Variants in CHST6 observed in about 807,000 individuals in gnomAD.
CHST6 encodes N-acetylglucosamine 6-O-sulfotransferase 5.
For missense variants in CHST6, 698 were observed against 586.2 expected, an observed-to-expected ratio of 1.19 and a Z score of -1.97; for synonymous variants, 309 against 276.4, an observed-to-expected ratio of 1.12 and a Z score of -1.17.
intron 1 of CHST6, among the ~76,000 whole-genome samples, chr16:75,487,492 C>T (rs1467969581): frequency 3.3e-5 from 5 of 151,992 alleles, no homozygotes; most frequent in East Asian, 1.9e-4. Context: ...CGGTGAAACC[C>T]CATCTCTACT....
In CHST6 at chr16:75,479,123, C is replaced by A; in HGVS notation, c.706G>T (p.Asp236Tyr). Residue 236 changes from aspartate to tyrosine, a missense_variant, in exon 3 of 3, where the codon GAC becomes TAC. Physicochemically the swap from Asp to Tyr is radical, Grantham distance 160. Transcript: ENST00000332272. ...TCGCGCACCACGCGCAGGCCGGGGT[C>A]GGCCTCCACCCACGTGCCGTTGGTG... The part of the protein sequence containing the change: ...LGTNGTWVEA[D>Y]PGLRVVREVC... The A allele has an allele frequency of 6.2e-7, 1 of 1,605,644 alleles. No individual in the cohort carries two copies. Among genetic ancestry groups the A allele is most frequent in the South Asian group, 1.1e-5 (1 of 90,954 alleles).
intron 1 of CHST6, among the ~76,000 whole-genome samples, chr16:75,490,451 C>G (rs1175547036): frequency 6.6e-6 from 1 of 151,996 alleles, no homozygotes; most frequent in Non-Finnish European, 1.5e-5. Context: ...GCACTCCAGC[C>G]TGGGCAACAA....
Position 75,475,020 on chromosome 16 carries a change from T to C in CHST6, c.*3621A>G, listed in dbSNP as rs139900788. On this transcript the variant is annotated 3_prime_UTR_variant, in exon 3 of 3. Transcript: ENST00000332272. ...CTTGTTGGCCAGGCTGGTCTCAAAC[T>C]CCTGACCTCAAGTAATCCGCACACC... 1,589 of 215,804 alleles carry C rather than the reference T, an allele frequency of 7.4e-3. 14 individuals are homozygous for C. The highest frequency in any genetic ancestry group is 0.027 in the South Asian group (146 of 5,414). 13.4% of individuals were successfully genotyped at this position (215,804 alleles called of 1,614,324 possible).
rs150033124 is a variant in CHST6, at chr16:75,480,523, C to T, written c.-16-679G>A. 4.5e-3 allele frequency among the ~76,000 whole-genome samples: 681 copies of T among 150,824 alleles called. 6 individuals carry two copies. Among genetic ancestry groups the T allele is most frequent in the Non-Finnish European group, 8.2e-3 (556 of 67,872 alleles). Reference sequence around the variant, plus strand: ...ACAGGAGAGACATGTAGTAATGTCCCTAACTGAAGAGTGCCCTTGCTACAG... The same window carrying T: ...ACAGGAGAGACATGTAGTAATGTCCTTAACTGAAGAGTGCCCTTGCTACAG... On this transcript the variant is annotated intron_variant, in intron 2 of 2. Coordinates refer to ENST00000332272, the MANE Select transcript of CHST6 (RefSeq NM_021615.5).
intron 1 of CHST6, among the ~76,000 whole-genome samples, chr16:75,485,098 T>C (rs1567412773): frequency 6.6e-6 from 1 of 151,982 alleles, no homozygotes; most frequent in Non-Finnish European, 1.5e-5. Flanking sequence ...ATGATGATGA[T>C]GAAAATGATC....
chr16:75,485,296 A>C (rs1182413701), intron 1 of CHST6, among the ~76,000 whole-genome samples: 1 of 152,190 alleles, frequency 6.6e-6, no homozygotes, highest in Non-Finnish European at 1.5e-5. Flanking sequence ...ACATAGCTTG[A>C]GAAAGGATAA....
chr16:75,491,526 C>T (rs961808786), intron 1 of CHST6, among the ~76,000 whole-genome samples: 5 of 151,908 alleles, frequency 3.3e-5, no homozygotes, highest in African/African-American at 9.7e-5. Context: ...CCCGACGCCA[C>T]GCCTGGCTAA....
chr16:75,491,190 A>AAAAAAAAATATATATATATAT (rs1206595857), intron 1 of CHST6, among the ~76,000 whole-genome samples: 1 of 50,076 alleles, frequency 2.0e-5, no homozygotes, highest in Non-Finnish European at 3.0e-5. Context: ...AAAAAAAAAA[A>AAAAAAAAATATATATATATAT]ATATATATAT....
chr16:75,488,843 C>T (rs1486550828), intron 1 of CHST6, among the ~76,000 whole-genome samples: 8 of 148,994 alleles, frequency 5.4e-5, no homozygotes, highest in Admixed American at 1.3e-4. Flanking sequence ...GCCTAGATCA[C>T]GCCATTGCAC....
chr16:75,488,167 G>A (rs1477015295), intron 1 of CHST6, among the ~76,000 whole-genome samples: 5 of 152,072 alleles, frequency 3.3e-5, no homozygotes, highest in Admixed American at 6.6e-5. Flanking sequence ...ATCCCTGTTC[G>A]AGAATCCCAA....
chr16:75,480,476 C>T (rs1386319638), intron 2 of CHST6, among the ~76,000 whole-genome samples: 2 of 152,038 alleles, frequency 1.3e-5, no homozygotes, highest in Non-Finnish European at 2.9e-5. Context: ...AAAATGGGAA[C>T]ATGTTTGAAT....
intron 2 of CHST6, among the ~76,000 whole-genome samples, chr16:75,480,306 G>A (rs989758587): frequency 2.0e-5 from 3 of 152,182 alleles, no homozygotes; most frequent in Non-Finnish European, 2.9e-5. Flanking sequence ...CTTCCACTCC[G>A]TAGCCTGTGG....
rs2080115487 is a variant in CHST6 at position 75,479,664 on chromosome 16, G to T, written c.165C>A (p.Phe55Leu). ...GGTGCTGGTTGAAGAGTTGGCCCAC[G>T]AAGGACGAGCCCGAGCGCCACGAGG... is the stretch of plus-strand genomic sequence containing the variant. ...VLSSWRSGSS[F>L]VGQLFNQHPD... The change falls in exon 3 of 3, where the codon TTC (phenylalanine) becomes TTA (leucine). Residue 55 changes from phenylalanine to leucine, a missense_variant. Physicochemically the swap from Phe to Leu is conservative, Grantham distance 22. Coordinates refer to ENST00000332272, the MANE Select transcript of CHST6 (RefSeq NM_021615.5). 1.2e-6 allele frequency: 2 copies of T among 1,612,592 alleles called. No homozygotes were observed. The highest frequency in any genetic ancestry group is 2.7e-5 in the African/African-American group (2 of 75,046).
Position 75,473,249 on chromosome 16 carries a change from C to G in CHST6, c.*5392G>C, listed in dbSNP as rs1329392921. 2 of 152,318 alleles carry G rather than the reference C, an allele frequency of 1.3e-5. No individual in the cohort carries two copies. Among genetic ancestry groups the G allele is most frequent in the Non-Finnish European group, 2.9e-5 (2 of 68,128 alleles). 9.4% of individuals were successfully genotyped at this position (152,318 alleles called of 1,614,324 possible). A position where few individuals can be genotyped will look rare whatever the true frequency, so the allele number is the denominator to read the frequency against. ...TTCTCAAGTGGTGGACTCAGTTTCC[C>G]CACCTCTGAATCTGGGTGAGCCCTG... On this transcript the variant is annotated 3_prime_UTR_variant, in exon 3 of 3. Transcript: ENST00000332272.
chr16:75,487,285 T>C (rs1465303218), intron 1 of CHST6, among the ~76,000 whole-genome samples: 1 of 152,144 alleles, frequency 6.6e-6, no homozygotes, highest in African/African-American at 2.4e-5. Context: ...CAAGGATGGT[T>C]TTCCATAGCA....
chr16:75,491,193 ATATATAT>A (rs2080252688), intron 1 of CHST6, among the ~76,000 whole-genome samples: 6 of 66,052 alleles, frequency 9.1e-5, no homozygotes, highest in Non-Finnish European at 1.5e-4. Context: ...AAAAAAAAAT[ATATATAT>A]ATATATATAT....
rs1389952404 is a variant in CHST6, at chr16:75,474,402, G to A, written c.*4239C>T. On this transcript the variant is annotated 3_prime_UTR_variant, in exon 3 of 3. Coordinates refer to ENST00000332272, the MANE Select transcript of CHST6 (RefSeq NM_021615.5). Reference sequence around the variant, plus strand: ...CAGTCCTCCCAACTCAGCCTCCCAAGTAGCTAGGACTACAGGTGCACGACA... The same window carrying A: ...CAGTCCTCCCAACTCAGCCTCCCAAATAGCTAGGACTACAGGTGCACGACA... The A allele has an allele frequency of 2.1e-5, 8 of 382,042 alleles. No homozygotes were observed. The highest frequency in any genetic ancestry group is 9.0e-5 in the Admixed American group (2 of 22,170). The allele number at this position is 382,042 out of a possible 1,614,324, so 23.7% of individuals were successfully genotyped here. A position where few individuals can be genotyped will look rare whatever the true frequency, so the allele number is the denominator to read the frequency against.
At chr16:75,480,942 AAAAAG>A (rs1555501065) in intron 2 of CHST6, among the ~76,000 whole-genome samples, 2 of 118,134 alleles carry the variant, frequency 1.7e-5, no homozygotes, top group Middle Eastern at 4.9e-3. Flanking sequence ...AAAAAAAAAA[AAAAAG>A]AAAAGAAAAG....
Position 75,478,887 on chromosome 16 carries a change from C to T in CHST6, c.942G>A (p.Ala314=). 2 of 1,613,396 alleles carry T rather than the reference C, an allele frequency of 1.2e-6. No individual in the cohort carries two copies. Among genetic ancestry groups the T allele is most frequent in the Non-Finnish European group, 8.5e-7 (1 of 1,179,974 alleles). The part of the protein sequence containing the change: ...HNITHGSGPG[A]RREAFKTSSR... Reference sequence around the variant, plus strand: ...ACGAAGTCTTGAAGGCTTCGCGGCGCGCACCAGGTCCAGATCCGTGGGTGA... The same window carrying T: ...ACGAAGTCTTGAAGGCTTCGCGGCGTGCACCAGGTCCAGATCCGTGGGTGA... Residue 314 remains alanine, a synonymous_variant, in exon 3 of 3, where the codon GCG becomes GCA. Coordinates refer to ENST00000332272, the MANE Select transcript of CHST6 (RefSeq NM_021615.5).
Sources: allele counts gnomAD v4.1 joint callset (sites outside exome capture counted in the v4.1 genomes callset), GRCh38; gene constraint gnomAD v4.1.1; transcripts MANE v1.5; gene names NCBI Gene and HGNC (gene_info 2026-07-23, HGNC 2026-07-21).